STAT6: variants seen among roughly 807,000 people sequenced by gnomAD.
The protein encoded by STAT6 is STAT, interleukin4-induced.
Under a neutral mutation model 106.3 loss-of-function variants are expected in STAT6, and 45 were observed. That is an observed-to-expected ratio of 0.42 (90% CI 0.33 to 0.54). The LOEUF (loss-of-function observed/expected upper bound fraction) is 0.54. STAT6 is among the 20% of genes least tolerant of loss of function. The pLI, the probability that STAT6 is intolerant of heterozygous loss-of-function variation, is 0.06. For missense variants in STAT6, 797 were observed against 1,062.2 expected, an observed-to-expected ratio of 0.75 and a Z score of 3.47; for synonymous variants, 413 against 413.6, an observed-to-expected ratio of 1.00 and a Z score of 0.02.
chr12:57,108,106 G>T, intron 2 of STAT6, 57 bp downstream of exon 2: 1 of 1,126,876 alleles, frequency 8.9e-7, no homozygotes, highest in Non-Finnish European at 1.3e-6. Flanking sequence ...AATCTAAGGA[G>T]AAGGAAGATG....
chr12:57,102,432 A>T lies in STAT6; in HGVS notation c.1370T>A (p.Leu457Gln). Residue 457 changes from leucine (L) to glutamine (Q), a missense_variant, in exon 13 of 22, where the codon CTG becomes CAG. Physicochemically the swap from Leu to Gln is moderately radical, Grantham distance 113. Transcript: ENST00000300134. ...PWEKMCETLNLKFMAEVGTNR... is the reference protein window; with the variant it reads ...PWEKMCETLNQKFMAEVGTNR... Reference sequence around the variant, plus strand: ...GGTCCCCACCTCAGCCATGAACTTCAGGTTCAGAGTTTCACACATCTTCTC... The same window carrying T: ...GGTCCCCACCTCAGCCATGAACTTCTGGTTCAGAGTTTCACACATCTTCTC... The T allele has an allele frequency of 6.2e-7, 1 of 1,614,146 alleles. No individual in the cohort carries two copies. Among genetic ancestry groups the T allele is most frequent in the Non-Finnish European group, 8.5e-7 (1 of 1,180,020 alleles).
At chr12:57,104,630 A>G in intron 10 of STAT6, 44 bp from the exon 11 acceptor site, 1 of 1,613,006 alleles carries the variant, frequency 6.2e-7, no homozygotes, top group Non-Finnish European at 8.5e-7. Flanking sequence ...TCATGAGGAC[A>G]GAGACCGCTC....
At chr12:57,106,666 A>C (rs373158109) in intron 5 of STAT6, 27 bp downstream of exon 5, 1 of 1,612,966 alleles carries the variant, frequency 6.2e-7, no homozygotes, top group Non-Finnish European at 8.5e-7. Flanking sequence ...ACTCCTACAC[A>C]CTCCCCAGAA....
intron 2 of STAT6, 141 bp from the exon 3 acceptor site, chr12:57,107,884 G>T (rs1052743789): frequency 5.6e-6 from 7 of 1,244,830 alleles, no homozygotes; most frequent in Admixed American, 2.5e-5. Flanking sequence ...TCACCCATGC[G>T]CCTTGTTTCC....
rs902574606 is a variant in STAT6, at chr12:57,096,401, C to T, written c.*171G>A. The T allele has an allele frequency of 2.6e-5, 17 of 652,176 alleles. No homozygotes were observed. The East Asian group carries it at 4.1e-4, about 16-fold the overall frequency. The allele number at this position is 652,176 out of a possible 1,614,324, so 40.4% of individuals were successfully genotyped here. A position where few individuals can be genotyped will look rare whatever the true frequency, so the allele number is the denominator to read the frequency against. On this transcript the variant is annotated 3_prime_UTR_variant, in exon 22 of 22. Transcript: ENST00000300134. ...TGATAGAAAGGAAGGAGTGGATTGGCTCCACCCACTGTGCATTCTCCTGTT... is the reference window on the plus strand; with the variant it reads ...TGATAGAAAGGAAGGAGTGGATTGGTTCCACCCACTGTGCATTCTCCTGTT...
Position 57,096,584 on chromosome 12 carries a change from G to A in STAT6, c.2532C>T (p.Asn844=), listed in dbSNP as rs555868704. ...CCTCCAGCTGGGATCACCAACTGGG[G>A]TTGGCCCTTAGGTCCATGTGGGACA... ...ISMSHMDLRA[N]PSW is the part of the protein sequence containing the mutation. The change falls in exon 22 of 22, where the codon AAC becomes AAT. Residue 844 remains asparagine (N), a synonymous_variant. Transcript: ENST00000300134. 6.3e-7 allele frequency: 1 copy of A among 1,595,272 alleles called. No individual in the cohort carries two copies. Among genetic ancestry groups the A allele is most frequent in the East Asian group, 2.2e-5 (1 of 44,714 alleles).
At chr12:57,100,595 G>T (rs1267123082) in intron 13 of STAT6, among the ~76,000 whole-genome samples, 1 of 149,952 alleles carries the variant, frequency 6.7e-6, no homozygotes, top group Non-Finnish European at 1.5e-5. Flanking sequence ...TCTCTTTAAA[G>T]ATTCTGTCTC....
In STAT6 at chr12:57,110,100, T is replaced by C. The variant is rs142821384; in HGVS notation, c.-22+1029A>G. On this transcript the variant is annotated intron_variant, in intron 1 of 21. Transcript: ENST00000300134. The stretch of plus-strand genomic sequence containing the variant: ...ACCCCTCCTGCTCAGGTTCCTCCAA[T>C]AGGCCTTTCTCTAGCCCAAGAGAGA... 6 of 152,380 alleles carry C rather than the reference T, an allele frequency of 3.9e-5. No homozygotes were observed. The East Asian group carries it at 5.8e-4, about 15-fold the overall frequency. The allele number at this position is 152,380 out of a possible 1,614,324, so 9.4% of individuals were successfully genotyped here. A position where few individuals can be genotyped will look rare whatever the true frequency, so the allele number is the denominator to read the frequency against.
chr12:57,104,677 CCA>C (rs765141352), intron 10 of STAT6, 47 bp downstream of exon 10: 12 of 1,613,646 alleles, frequency 7.4e-6, no homozygotes, highest in Non-Finnish European at 1.0e-5. Context: ...AAGGAGAGTC[CCA>C]CAGTCTCCTA....
chr12:57,096,060 AC>A lies in STAT6; in HGVS notation c.*511del. 6.5e-6 allele frequency: 1 copy of A among 155,024 alleles called. No individual in the cohort carries two copies. The highest frequency in any genetic ancestry group is 1.4e-5 in the Non-Finnish European group (1 of 69,960). 9.6% of individuals were successfully genotyped at this position (155,024 alleles called of 1,614,324 possible). On this transcript the variant is annotated 3_prime_UTR_variant, in exon 22 of 22. Transcript: ENST00000300134. The stretch of plus-strand genomic sequence containing the variant: ...ATGTCCAGACCCCTCCTATGCTCCC[AC>A]CCAGGGTCCCTTGAGCTGCTTCCCA...
In STAT6 at chr12:57,096,928, G is replaced by T; in HGVS notation, c.2276C>A (p.Pro759His). The T allele has an allele frequency of 6.2e-7, 1 of 1,614,160 alleles. No homozygotes were observed. The highest frequency in any genetic ancestry group is 2.2e-5 in the East Asian group (1 of 44,890). Reference sequence around the variant, plus strand: ...CATGGTCACATCTGAGCAGAGCAGGGGGTCAGGGCTGGACACAGCATGCTC... The same window carrying T: ...CATGGTCACATCTGAGCAGAGCAGGTGGTCAGGGCTGGACACAGCATGCTC... ...PQEHAVSSPD[P>H]LLCSDVTMVE... Residue 759 changes from proline to histidine, a missense_variant, in exon 21 of 22, where the codon CCC becomes CAC. Transcript: ENST00000300134.
intron 13 of STAT6, chr12:57,100,900 C>T: frequency 2.2e-6 from 1 of 455,114 alleles, no homozygotes; most frequent in Admixed American, 2.4e-5. Context: ...GATTCCTCAT[C>T]TGTAAAATGG....
Position 57,096,865 on chromosome 12 carries a change from A to G in STAT6, c.2339T>C (p.Phe780Ser). The part of the protein sequence containing the change: ...DSCLSQPVTA[F>S]PQGTWIGEDI... ...TGCCACTCACCAAGTGCCCTGAGGA[A>G]ACGCTGTCACTGGCTGGCTCAGGCA... The change falls in exon 21 of 22, where the codon TTT (phenylalanine) becomes TCT (serine). Residue 780 changes from phenylalanine to serine, a missense_variant. Physicochemically the swap from Phe to Ser is radical, Grantham distance 155 (BLOSUM62 -2). Transcript: ENST00000300134. The G allele has an allele frequency of 1.2e-6, 2 of 1,614,172 alleles. No homozygotes were observed. The highest frequency in any genetic ancestry group is 1.7e-6 in the Non-Finnish European group (2 of 1,180,028).
At position 57,105,236 on chromosome 12, in the gene STAT6, C is replaced by T; in HGVS notation, c.916G>A (p.Ala306Thr). The change falls in exon 9 of 22, where the codon GCC (alanine) becomes ACC (threonine). Residue 306 changes from alanine (A) to threonine (T), a missense_variant. Coordinates refer to ENST00000300134, the MANE Select transcript of STAT6 (RefSeq NM_003153.5). Reference protein sequence around the residue: ...LLGLRFLGAPAKPPLVRADMV... With the variant: ...LLGLRFLGAPTKPPLVRADMV... ...TCGGCCCTGACCAGCGGAGGCTTGG[C>T]TGGGGCCCCCAGGAACCTCAAGCCC... 2 of 1,614,108 alleles carry T rather than the reference C, an allele frequency of 1.2e-6. No individual in the cohort carries two copies. The highest frequency in any genetic ancestry group is 1.7e-6 in the Non-Finnish European group (2 of 1,179,980).
At chr12:57,104,425 CG>C in intron 11 of STAT6, 38 bp downstream of exon 11, 1 of 1,585,992 alleles carries the variant, frequency 6.3e-7, no homozygotes, top group Non-Finnish European at 8.6e-7. Flanking sequence ...GAGGAGGACT[CG>C]GGGTCCCAGA....
At chr12:57,105,084 C>T in intron 9 of STAT6, 67 bp downstream of exon 9, 1 of 1,533,742 alleles carries the variant, frequency 6.5e-7, no homozygotes, top group Non-Finnish European at 8.8e-7. Flanking sequence ...TTTTCAGTGC[C>T]AGCCCTCCAG....
chr12:57,107,890 T>C, intron 2 of STAT6, 147 bp from the exon 3 acceptor site: 1 of 1,203,608 alleles, frequency 8.3e-7, no homozygotes, highest in Non-Finnish European at 1.1e-6. Context: ...ATGCGCCTTG[T>C]TTCCCAGTCT....
chr12:57,104,717 G>A lies in STAT6; in HGVS notation c.1089+9C>T. 6.2e-7 allele frequency: 1 copy of A among 1,614,084 alleles called. No individual in the cohort carries two copies. The highest frequency in any genetic ancestry group is 1.1e-5 in the South Asian group (1 of 91,072). On this transcript the variant is annotated intron_variant, in intron 10 of 21. Transcript: ENST00000300134. ...GGTGCCCCCCTCACTGCACCCCAAA[G>A]CCCCTCACCAGGTTCTTGAACAGGG...
Position 57,102,810 on chromosome 12 carries a change from A to G in STAT6, c.1305+19T>C, listed in dbSNP as rs1005478372. On this transcript the variant is annotated intron_variant, in intron 12 of 21. Coordinates refer to ENST00000300134, the MANE Select transcript of STAT6 (RefSeq NM_003153.5). ...ACCCACCCTGCCCCTGTTCCCTCCA[A>G]CTCCAGGACTTTCCTCACCATCTCA... 24 of 1,604,296 alleles carry G rather than the reference A, an allele frequency of 1.5e-5. No individual in the cohort carries two copies. Among genetic ancestry groups the G allele is most frequent in the Non-Finnish European group, 2.0e-5 (23 of 1,172,120 alleles).
Sources: gnomAD v4.1 joint callset for allele counts (sites outside exome capture counted in the v4.1 genomes callset) on GRCh38, gnomAD v4.1.1 for gene constraint, MANE v1.5 for transcripts, NCBI Gene and HGNC (gene_info 2026-07-23, HGNC 2026-07-21) for gene names.